The following ASCC2 variants were observed in gnomAD, a reference collection of about 807,000 sequenced individuals.
The protein encoded by ASCC2 is ASC-1 complex subunit P100.
ASCC2 carries 42 observed loss-of-function variants against 93.5 expected under a neutral mutation model. The ratio of observed to expected loss-of-function variants is 0.45; its 90% CI spans 0.35 to 0.58. The LOEUF is 0.58. Ranked by LOEUF, ASCC2 falls within the 20% of genes least tolerant of loss-of-function variation. ASCC2 has a pLI of 0.00. For missense variants in ASCC2, 859 were observed against 977.6 expected, an observed-to-expected ratio of 0.88 and a Z score of 1.62; for synonymous variants, 364 against 384.2, an observed-to-expected ratio of 0.95 and a Z score of 0.62.
At position 29,825,028 on chromosome 22, in the gene ASCC2, A is replaced by G; in HGVS notation, c.411+59T>C. 1 of 1,308,412 alleles carries G rather than the reference A, an allele frequency of 7.6e-7. No homozygotes were observed. The highest frequency in any genetic ancestry group is 1.0e-6 in the Non-Finnish European group (1 of 996,778). The allele number at this position is 1,308,412 out of a possible 1,614,324, so 81.1% of individuals were successfully genotyped here. On this transcript the variant is annotated intron_variant, in intron 4 of 19. Transcript: ENST00000307790. This position sits in a 1 kb window ranked among gnomAD's most constrained non-coding sequence, Gnocchi z 4.9. ...AGAGCCTTCCTTCCCAGGGGTGGAGAGCCCGGCACAGAGGTGTCGAGTATC... is the reference window on the plus strand; with the variant it reads ...AGAGCCTTCCTTCCCAGGGGTGGAGGGCCCGGCACAGAGGTGTCGAGTATC...
At chr22:29,833,250 G>A (rs892653052) in intron 1 of ASCC2, among the ~76,000 whole-genome samples, 3 of 152,142 alleles carry the variant, frequency 2.0e-5, no homozygotes, top group African/African-American at 4.8e-5. Context: ...CTCACCAAAT[G>A]TTTGAAGAAT....
intron 15 of ASCC2, among the ~76,000 whole-genome samples, chr22:29,796,470 T>C (rs1247230377): frequency 6.6e-6 from 1 of 152,016 alleles, no homozygotes; most frequent in East Asian, 1.9e-4. Context: ...GGAATGAACT[T>C]GGTTCAGGAG....
At chr22:29,795,666 G>A (rs1156579710) in intron 15 of ASCC2, among the ~76,000 whole-genome samples, 1 of 152,228 alleles carries the variant, frequency 6.6e-6, no homozygotes, top group Non-Finnish European at 1.5e-5. Context: ...CGTTACAGGT[G>A]AGGAAACTCG....
At chr22:29,796,398 T>G (rs931606445) in intron 15 of ASCC2, among the ~76,000 whole-genome samples, 1 of 151,866 alleles carries the variant, frequency 6.6e-6, no homozygotes, top group Non-Finnish European at 1.5e-5. Flanking sequence ...ATGAACTCAG[T>G]GTAGTGGAGA....
Position 29,825,535 on chromosome 22 carries a change from C to A in ASCC2, c.240+87G>T. ...AGTGAAAGAAGTAGACAAAAAAGCACCTCCTAGGGGAAGAAAAACAACAAC... is the reference window on the plus strand; with the variant it reads ...AGTGAAAGAAGTAGACAAAAAAGCAACTCCTAGGGGAAGAAAAACAACAAC... On this transcript the variant is annotated intron_variant, in intron 3 of 19. Transcript: ENST00000307790. The surrounding 1 kb of genome is among the most constrained non-coding windows in gnomAD (Gnocchi z 4.9). 6.3e-7 allele frequency: 1 copy of A among 1,580,046 alleles called. No individual in the cohort carries two copies. The highest frequency in any genetic ancestry group is 8.7e-7 in the Non-Finnish European group (1 of 1,150,768).
rs957365365 is a variant in ASCC2 at position 29,788,914 on chromosome 22, G to A, written c.*99C>T. 6.9e-7 allele frequency: 1 copy of A among 1,445,820 alleles called. No homozygotes were observed. The highest frequency in any genetic ancestry group is 1.4e-5 in the African/African-American group (1 of 70,846). 89.6% of individuals were successfully genotyped at this position (1,445,820 alleles called of 1,614,324 possible). On this transcript the variant is annotated 3_prime_UTR_variant, in exon 20 of 20. Transcript: ENST00000307790. ...GCAAAGCTGAGGCTGTTGAGGGGTT[G>A]AGTTGAACTTGGGGCCCCTAGTGAG...
intron 17 of ASCC2, among the ~76,000 whole-genome samples, chr22:29,793,004 G>C (rs1284840844): frequency 3.3e-5 from 5 of 151,866 alleles, no homozygotes; most frequent in Non-Finnish European, 7.4e-5. Flanking sequence ...AAGTTAGCGG[G>C]GTGTGGTGGT....
intron 4 of ASCC2, among the ~76,000 whole-genome samples, 200 bp from the exon 5 acceptor site, chr22:29,822,664 G>T (rs1408607501): frequency 1.6e-5 from 2 of 128,342 alleles, no homozygotes; most frequent in African/African-American, 2.9e-5. Context: ...ATGTTTTTGT[G>T]TCTCTAGACT....
chr22:29,818,741 A>G (rs1385205991), intron 5 of ASCC2, among the ~76,000 whole-genome samples: 1 of 152,058 alleles, frequency 6.6e-6, no homozygotes, highest in Non-Finnish European at 1.5e-5. Flanking sequence ...ATCACCACGC[A>G]GTCCCCTCTG....
Position 29,825,935 on chromosome 22 carries a change from C to T in ASCC2, c.82-155G>A. 2.6e-6 allele frequency: 2 copies of T among 782,198 alleles called. No homozygotes were observed. The highest frequency in any genetic ancestry group is 4.1e-6 in the Non-Finnish European group (2 of 489,972). 48.5% of individuals were successfully genotyped at this position (782,198 alleles called of 1,614,324 possible). ...AACCAAGTGTATCTAACAAAGAGGG[C>T]ATGGTTGCATTCAGCGAACACTAGG... On this transcript the variant is annotated intron_variant, in intron 2 of 19. Transcript: ENST00000307790. The surrounding 1 kb of genome is among the most constrained non-coding windows in gnomAD (Gnocchi z 4.9).
At chr22:29,791,864 C>A (rs1260619766) in intron 18 of ASCC2, among the ~76,000 whole-genome samples, 4 of 152,224 alleles carry the variant, frequency 2.6e-5, no homozygotes, top group Non-Finnish European at 2.9e-5. Flanking sequence ...GCAGTCCCCA[C>A]CAGGCCCCGC....
intron 12 of ASCC2, 54 bp downstream of exon 12, chr22:29,806,162 C>T (rs2059649876): frequency 1.3e-6 from 2 of 1,578,532 alleles, no homozygotes; most frequent in Admixed American, 3.3e-5. Context: ...GCCTGTCTCA[C>T]CTCTGACCTA....
intron 8 of ASCC2, among the ~76,000 whole-genome samples, chr22:29,810,557 G>A (rs1208102225): frequency 6.6e-6 from 1 of 152,242 alleles, no homozygotes; most frequent in East Asian, 1.9e-4. Flanking sequence ...GCTGTTGCCA[G>A]GATATGTTGC....
chr22:29,837,885 C>A (rs1252159442), intron 1 of ASCC2, among the ~76,000 whole-genome samples: 1 of 152,216 alleles, frequency 6.6e-6, no homozygotes, highest in Non-Finnish European at 1.5e-5. Context: ...AGGAAGCACT[C>A]CACAAATATT....
At chr22:29,826,639 A>C (rs2062370315) in intron 2 of ASCC2, among the ~76,000 whole-genome samples, 1 of 152,036 alleles carries the variant, frequency 6.6e-6, no homozygotes. Flanking sequence ...ATTAATTTTT[A>C]ATTATATAAT....
intron 12 of ASCC2, 85 bp downstream of exon 12, chr22:29,806,131 C>A: frequency 6.9e-7 from 1 of 1,457,388 alleles, no homozygotes. Flanking sequence ...AAACCTCTTT[C>A]CACTCCTCTG....
intron 5 of ASCC2, among the ~76,000 whole-genome samples, chr22:29,817,784 T>TA (rs2061038626): frequency 6.6e-6 from 1 of 152,218 alleles, no homozygotes; most frequent in Admixed American, 6.5e-5. Flanking sequence ...AGTGACGATG[T>TA]AACTTTTGAT....
Position 29,812,504 on chromosome 22 carries a change from A to G in ASCC2, c.833+926T>C, listed in dbSNP as rs188126760. Among the ~76,000 whole-genome samples, 924 of 152,306 alleles carry G rather than the reference A, an allele frequency of 6.1e-3. 10 individuals are homozygous for G. Among genetic ancestry groups the G allele is most frequent in the Admixed American group, 9.8e-3 (150 of 15,296 alleles). ...ATCTTTCTAACAGCTCCTTTGGATA[A>G]AAGCCTCCAGGGGCTCCCCACTGCC... On this transcript the variant is annotated intron_variant, in intron 8 of 19. Transcript: ENST00000307790.
chr22:29,826,991 G>A (rs1461046335), intron 2 of ASCC2, among the ~76,000 whole-genome samples: 3 of 151,068 alleles, frequency 2.0e-5, no homozygotes, highest in African/African-American at 7.3e-5. Flanking sequence ...CCAGCTACTC[G>A]GGAGGCTGAG....
Sources: gnomAD v4.1 joint callset for allele counts (sites outside exome capture counted in the v4.1 genomes callset) on GRCh38, gnomAD v4.1.1 for gene constraint, Gnocchi (gnomAD v3.1) non-coding constraint, MANE v1.5 for transcripts, NCBI Gene and HGNC (gene_info 2026-07-23, HGNC 2026-07-21) for gene names.